Variants in BMP2K observed in about 807,000 individuals in gnomAD.
BMP2K encodes BMP2 inducible kinase, also known as BMP-2-inducible protein kinase.
Under a neutral mutation model 116.0 loss-of-function variants are expected in BMP2K, and 74 were observed. That is an observed-to-expected ratio of 0.64 (90% CI 0.53 to 0.77). The LOEUF (loss-of-function observed/expected upper bound fraction) is 0.77, where lower values mean the gene tolerates loss of function less well. Ranked by LOEUF, BMP2K falls within the 30% of genes least tolerant of loss-of-function variation. The pLI is 0.00. For missense variants in BMP2K, 1,365 were observed against 1,403.6 expected (o/e 0.97, Z 0.44); for synonymous variants, 486 against 502.5 (o/e 0.97, Z 0.44).
intron 1 of BMP2K, among the ~76,000 whole-genome samples, chr4:78,794,702 A>G (rs532044413): frequency 3.3e-5 from 5 of 152,210 alleles, no homozygotes; most frequent in South Asian, 4.1e-4. Context: ...GGCTGGGACC[A>G]CAGGCATGTG....
At chr4:78,897,047 C>T (rs1733738620) in intron 15 of BMP2K, among the ~76,000 whole-genome samples, 1 of 151,826 alleles carries the variant, frequency 6.6e-6, no homozygotes, top group Admixed American at 6.6e-5. Flanking sequence ...GGGAAATGTA[C>T]AATGGAGCTG....
intron 1 of BMP2K, among the ~76,000 whole-genome samples, chr4:78,798,620 A>G (rs138022258): frequency 6.3e-4 from 96 of 152,374 alleles, no homozygotes; most frequent in African/African-American, 2.2e-3. Flanking sequence ...TCCAACGGAT[A>G]CTTGGAATTC....
intron 11 of BMP2K, 89 bp from the exon 12 acceptor site, chr4:78,871,761 T>A (rs1732366536): frequency 2.6e-6 from 2 of 771,270 alleles, no homozygotes; most frequent in Non-Finnish European, 2.1e-6. Flanking sequence ...TACTGATTTC[T>A]CAAATCATTA....
chr4:78,914,818 C>T lies in BMP2K; in HGVS notation c.*2785C>T, dbSNP rs1230846551. On this transcript the variant is annotated 3_prime_UTR_variant, in exon 16 of 16. Transcript: ENST00000502613. Reference sequence around the variant, plus strand: ...TGTAGTTATAACTAAACCTGTTATACTTGAACATCACTAAGAGAAGTAAAT... The same window carrying T: ...TGTAGTTATAACTAAACCTGTTATATTTGAACATCACTAAGAGAAGTAAAT... The T allele has an allele frequency of 6.6e-6, 1 of 151,120 alleles. No individual in the cohort carries two copies. The highest frequency in any genetic ancestry group is 2.4e-5 in the African/African-American group (1 of 41,104). 9.4% of individuals were successfully genotyped at this position (151,120 alleles called of 1,614,324 possible).
At chr4:78,869,872 A>T (rs1732246875) in intron 10 of BMP2K, among the ~76,000 whole-genome samples, 1 of 152,192 alleles carries the variant, frequency 6.6e-6, no homozygotes, top group Non-Finnish European at 1.5e-5. Context: ...AAATAGTTAT[A>T]AAACTATTTT....
At chr4:78,786,784 C>T (rs1035250606) in intron 1 of BMP2K, among the ~76,000 whole-genome samples, 7 of 152,118 alleles carry the variant, frequency 4.6e-5, no homozygotes, top group African/African-American at 9.7e-5. Flanking sequence ...CTTTGCTCTG[C>T]GTAGCAACTG....
intron 2 of BMP2K, 113 bp from the exon 3 acceptor site, chr4:78,833,469 T>C: frequency 2.9e-6 from 2 of 692,632 alleles, no homozygotes; most frequent in Non-Finnish European, 4.7e-6. Flanking sequence ...TCTGTACTCA[T>C]GCCTAATTCT....
intron 1 of BMP2K, among the ~76,000 whole-genome samples, chr4:78,791,986 T>C (rs1381545096): frequency 5.3e-5 from 8 of 152,240 alleles, no homozygotes; most frequent in Non-Finnish European, 1.5e-5. Flanking sequence ...GATCATATGA[T>C]AATTCTATGT....
At chr4:78,870,660 T>C in intron 10 of BMP2K, 123 bp from the exon 11 acceptor site, 5 of 1,325,138 alleles carry the variant, frequency 3.8e-6, no homozygotes, top group Non-Finnish European at 5.0e-6. Context: ...TATGGAAGTT[T>C]TTGTGTTATA....
chr4:78,792,393 AAGT>A (rs1366835290), intron 1 of BMP2K, among the ~76,000 whole-genome samples: 4 of 152,208 alleles, frequency 2.6e-5, no homozygotes, highest in Non-Finnish European at 5.9e-5. Context: ...TTGTTTGCTG[AAGT>A]AGTTTGATTT....
At position 78,913,669 on chromosome 4, in the gene BMP2K, A is replaced by G. The variant is rs1420938405; in HGVS notation, c.*1636A>G. On this transcript the variant is annotated 3_prime_UTR_variant, in exon 16 of 16. Transcript: ENST00000502613. ...CCCCAATGGGATAAGCTATTTGCCT[A>G]TTTTCACAGTTCTGAACTTGGAAAG... 1.3e-5 allele frequency: 2 copies of G among 152,144 alleles called. No homozygotes were observed. The highest frequency in any genetic ancestry group is 6.5e-5 in the Admixed American group (1 of 15,272). The allele number at this position is 152,144 out of a possible 1,614,324, so 9.4% of individuals were successfully genotyped here. A position where few individuals can be genotyped will look rare whatever the true frequency, so the allele number is the denominator to read the frequency against.
At chr4:78,814,344 G>A (rs184027528) in intron 1 of BMP2K, among the ~76,000 whole-genome samples, 20 of 151,854 alleles carry the variant, frequency 1.3e-4, no homozygotes, top group Admixed American at 5.9e-4. Context: ...TTCTTTAATC[G>A]TTTCATATAT....
intron 1 of BMP2K, among the ~76,000 whole-genome samples, chr4:78,795,309 T>C (rs1728200406): frequency 6.6e-6 from 1 of 152,158 alleles, no homozygotes; most frequent in African/African-American, 2.4e-5. Context: ...TGAGAAGAGC[T>C]CTCTAATTAT....
intron 5 of BMP2K, among the ~76,000 whole-genome samples, chr4:78,846,808 G>A (rs552449212): frequency 6.6e-6 from 1 of 151,680 alleles, no homozygotes; most frequent in Non-Finnish European, 1.5e-5. Context: ...GAGGGTGGAA[G>A]TTTTACTTTT....
intron 10 of BMP2K, 153 bp downstream of exon 10, chr4:78,865,873 G>A: frequency 1.3e-6 from 1 of 746,136 alleles, no homozygotes; most frequent in Non-Finnish European, 2.1e-6. Context: ...AAATTCAGTT[G>A]GTTTCTCAAC....
chr4:78,891,378 C>A (rs1343131067), intron 15 of BMP2K, among the ~76,000 whole-genome samples: 1 of 152,114 alleles, frequency 6.6e-6, no homozygotes, highest in Non-Finnish European at 1.5e-5. Context: ...ACCTTTTATT[C>A]ATTGTGCTGG....
chr4:78,859,897 A>G (rs538612304), intron 8 of BMP2K: 2 of 568,522 alleles, frequency 3.5e-6, no homozygotes, highest in Non-Finnish European at 6.3e-6. Context: ...GAGCTGCAGC[A>G]GACTCAGGCA....
At position 78,826,092 on chromosome 4, in the gene BMP2K, G is replaced by T; in HGVS notation, c.234G>T (p.Leu78Phe). The change falls in exon 2 of 16, where the codon TTG becomes TTT. Residue 78 changes from leucine (L) to phenylalanine (F), a missense_variant. Leu to Phe is a conservative substitution (Grantham distance 22). Coordinates refer to ENST00000502613, the MANE Select transcript of BMP2K (RefSeq NM_198892.2). The stretch of plus-strand genomic sequence containing the variant: ...CTCACGGTGGAATCCGATGTGCATT[G>T]AAGCGAATGTATGTCAATAACATGC... Reference protein sequence around the residue: ...VRTHGGIRCALKRMYVNNMPD... With the variant: ...VRTHGGIRCAFKRMYVNNMPD... The T allele has an allele frequency of 6.2e-7, 1 of 1,614,190 alleles. No homozygotes were observed. The highest frequency in any genetic ancestry group is 8.5e-7 in the Non-Finnish European group (1 of 1,180,034).
At chr4:78,799,035 T>G (rs1728439482) in intron 1 of BMP2K, among the ~76,000 whole-genome samples, 1 of 152,230 alleles carries the variant, frequency 6.6e-6, no homozygotes, top group Non-Finnish European at 1.5e-5. Context: ...TAGAGAACTT[T>G]CTACTCCACA....
Sources: gnomAD v4.1 joint callset for allele counts (sites outside exome capture counted in the v4.1 genomes callset) on GRCh38, gnomAD v4.1.1 for gene constraint, MANE v1.5 for transcripts, NCBI Gene and HGNC (gene_info 2026-07-23, HGNC 2026-07-21) for gene names.